The following HFM1 variants were observed in gnomAD, a reference collection of about 807,000 sequenced individuals.
HFM1 encodes the protein probable ATP-dependent DNA helicase HFM1.
Under a neutral mutation model 192.1 loss-of-function variants are expected in HFM1, and 169 were observed. That is an observed-to-expected ratio of 0.88 (90% CI 0.78 to 1.00). The LOEUF (loss-of-function observed/expected upper bound fraction) is 1.00, where lower values mean the gene tolerates loss of function less well. Among genes scored for constraint, HFM1 ranks in the 50% least tolerant of loss-of-function variants. The pLI, the probability that HFM1 is intolerant of heterozygous loss-of-function variation, is 0.00. For synonymous variants in HFM1, 525 were observed against 537.8 expected (o/e 0.98, Z 0.33); for missense variants, 1,661 against 1,668.0 (o/e 1.00, Z 0.07).
At chr1:91,334,924 C>A in intron 20 of HFM1, among the ~76,000 whole-genome samples, 1 of 148,370 alleles carries the variant, frequency 6.7e-6, no homozygotes. Context: ...GCAAGACTCT[C>A]TGTCTCAAAA....
intron 30 of HFM1, among the ~76,000 whole-genome samples, chr1:91,300,615 C>G (rs189615465): frequency 1.3e-5 from 2 of 152,156 alleles, no homozygotes; most frequent in Admixed American, 1.3e-4. Flanking sequence ...CCCTGGGATG[C>G]AAGGCTAGTT....
At chr1:91,352,997 A>C (rs1022254009) in intron 15 of HFM1, 54 bp downstream of exon 15, 4 of 1,164,084 alleles carry the variant, frequency 3.4e-6, no homozygotes, top group African/African-American at 3.1e-5. Context: ...TTTCCTCTTA[A>C]AAATAATTTT....
chr1:91,343,216 G>A (rs960558605), intron 20 of HFM1, among the ~76,000 whole-genome samples: 17 of 109,180 alleles, frequency 1.6e-4, no homozygotes, highest in Admixed American at 4.8e-4. Context: ...GGGCAAAAGA[G>A]TGAGACTCTG....
intron 13 of HFM1, among the ~76,000 whole-genome samples, chr1:91,356,371 G>A (rs1440287507): frequency 6.6e-6 from 1 of 151,866 alleles, no homozygotes; most frequent in Non-Finnish European, 1.5e-5. Flanking sequence ...AGCCTCCTGA[G>A]TAGCTGGGAT....
At chr1:91,382,047 C>A (rs1288721316) in intron 6 of HFM1, among the ~76,000 whole-genome samples, 1 of 152,138 alleles carries the variant, frequency 6.6e-6, no homozygotes, top group African/African-American at 2.4e-5. Context: ...ACTACTCTTT[C>A]TCCCTGACTC....
chr1:91,308,775 T>G (rs1224615652), intron 30 of HFM1, among the ~76,000 whole-genome samples: 1 of 152,170 alleles, frequency 6.6e-6, no homozygotes, highest in African/African-American at 2.4e-5. Context: ...TTTTATCATA[T>G]GACAGACACT....
At chr1:91,263,663 G>A (rs751931387) in intron 36 of HFM1, among the ~76,000 whole-genome samples, 1 of 152,062 alleles carries the variant, frequency 6.6e-6, no homozygotes, top group African/African-American at 2.4e-5. Flanking sequence ...CGAGGTGGGA[G>A]GATCTCTTTA....
At chr1:91,330,212 G>A (rs1171405383) in intron 20 of HFM1, among the ~76,000 whole-genome samples, 1 of 151,652 alleles carries the variant, frequency 6.6e-6, no homozygotes, top group East Asian at 1.9e-4. Context: ...TGCTGTTTTT[G>A]TTTTAAAGTT....
chr1:91,353,244 C>T lies in HFM1; in HGVS notation c.1729+12G>A, dbSNP rs1435686696. 1 of 1,583,026 alleles carries T rather than the reference C, an allele frequency of 6.3e-7. No individual in the cohort carries two copies. The highest frequency in any genetic ancestry group is 1.1e-5 in the South Asian group (1 of 89,688). ...TGTGAAAATGCTATTCAAAAATTAT[C>T]TCTAAACCTACCTCTCAGTTTTGAA... is the stretch of plus-strand genomic sequence containing the variant. On this transcript the variant is annotated intron_variant, in intron 14 of 38. Transcript: ENST00000370425.
rs117695237 is a variant in HFM1 at position 91,393,887 on chromosome 1, T to C, written c.494+206A>G. Among the ~76,000 whole-genome samples, 26 of 152,254 alleles carry C rather than the reference T, an allele frequency of 1.7e-4. No homozygotes were observed. The East Asian group carries it at 4.8e-3, about 28-fold the overall frequency. On this transcript the variant is annotated intron_variant, in intron 4 of 38. Coordinates refer to ENST00000370425, the MANE Select transcript of HFM1 (RefSeq NM_001017975.6). ...ACCTGGACTGTTGTGGTACCATTTATAGTAGATAGTTATATATTACAATTA... is the reference window on the plus strand; with the variant it reads ...ACCTGGACTGTTGTGGTACCATTTACAGTAGATAGTTATATATTACAATTA...
chr1:91,314,684 C>T (rs1312204588), intron 28 of HFM1, among the ~76,000 whole-genome samples: 2 of 152,228 alleles, frequency 1.3e-5, no homozygotes, highest in South Asian at 2.1e-4. Context: ...ACTGGCTATA[C>T]GTTATGAGAA....
In HFM1 at chr1:91,347,437, T is replaced by C; in HGVS notation, c.2246A>G (p.Lys749Arg). The C allele has an allele frequency of 6.3e-7, 1 of 1,581,724 alleles. No individual in the cohort carries two copies. Among genetic ancestry groups the C allele is most frequent in the Non-Finnish European group, 8.6e-7 (1 of 1,160,038 alleles). Reference sequence around the variant, plus strand: ...AATGAAATGCATCTAACCTTGTAATTTTGCTTCAATTCCATCTTTGTTCAA... The same window carrying C: ...AATGAAATGCATCTAACCTTGTAATCTTGCTTCAATTCCATCTTTGTTCAA... ...SGLNKDGIEA[K>R]LQELCLKNLN... Residue 749 changes from lysine (K) to arginine (R), a missense_variant, in exon 19 of 39, where the codon AAA (lysine) becomes AGA (arginine). Coordinates refer to ENST00000370425, the MANE Select transcript of HFM1 (RefSeq NM_001017975.6).
intron 20 of HFM1, among the ~76,000 whole-genome samples, chr1:91,342,104 C>T (rs2462599): frequency 8.0e-6 from 1 of 124,478 alleles, no homozygotes. Flanking sequence ...CAGCATCATT[C>T]TGATACCAAA....
chr1:91,292,841 G>A (rs1668936760), intron 30 of HFM1, among the ~76,000 whole-genome samples: 1 of 152,062 alleles, frequency 6.6e-6, no homozygotes, highest in South Asian at 2.1e-4. Flanking sequence ...CATGGTACTG[G>A]TACCAAAACA....
At chr1:91,324,939 A>C (rs999154034) in intron 20 of HFM1, among the ~76,000 whole-genome samples, 173 bp from the exon 21 acceptor site, 1 of 152,110 alleles carries the variant, frequency 6.6e-6, no homozygotes, top group African/African-American at 2.4e-5. Flanking sequence ...GCACACACAA[A>C]AGCACTCTAA....
chr1:91,360,355 A>G (rs973569215), intron 13 of HFM1, among the ~76,000 whole-genome samples: 14 of 152,220 alleles, frequency 9.2e-5, no homozygotes, highest in Non-Finnish European at 1.3e-4. Context: ...AGGAAAACTT[A>G]CCAAGCAAAT....
chr1:91,404,632 G>C (rs1021073474), intron 1 of HFM1, 166 bp downstream of exon 1: 8 of 263,062 alleles, frequency 3.0e-5, no homozygotes, highest in East Asian at 1.7e-4. Flanking sequence ...CGGCGGCCTG[G>C]AGACGCCTGG....
At chr1:91,389,111 C>T (rs573739272) in intron 4 of HFM1, among the ~76,000 whole-genome samples, 1 of 150,604 alleles carries the variant, frequency 6.6e-6, no homozygotes, top group African/African-American at 2.4e-5. Context: ...GGCCCTAATC[C>T]CCAGTGGGTT....
chr1:91,285,328 T>C (rs182986269), intron 30 of HFM1, among the ~76,000 whole-genome samples: 5 of 152,332 alleles, frequency 3.3e-5, no homozygotes, highest in Admixed American at 2.0e-4. Context: ...AATTTGATGA[T>C]ATACAAAATT....
Sources: gnomAD v4.1 joint callset for allele counts (sites outside exome capture counted in the v4.1 genomes callset) on GRCh38, gnomAD v4.1.1 for gene constraint, MANE v1.5 for transcripts, NCBI Gene and HGNC (gene_info 2026-07-23, HGNC 2026-07-21) for gene names.